The following ANTXR1 variants were observed in gnomAD, a reference collection of about 807,000 sequenced individuals.
ANTXR1 encodes anthrax toxin receptor 1.
ANTXR1 carries 19 observed loss-of-function variants against 78.1 expected under a neutral mutation model. That is an observed-to-expected ratio of 0.24 (90% CI 0.17 to 0.36). The LOEUF is 0.36. ANTXR1 is among the 10% of genes least tolerant of loss of function. The probability of loss-of-function intolerance (pLI) is 1.00; values close to 1 mark genes in which losing one functional copy is unlikely to be tolerated. For synonymous variants in ANTXR1, 273 were observed against 260.5 expected (o/e 1.05, Z -0.46); for missense variants, 518 against 718.6 (o/e 0.72, Z 3.19).
At position 69,248,609 on chromosome 2, in the gene ANTXR1, T is replaced by C. The variant is rs951217363; in HGVS notation, c.*3124T>C. The C allele has an allele frequency of 2.6e-5, 4 of 152,276 alleles. No homozygotes were observed. The highest frequency in any genetic ancestry group is 4.8e-5 in the African/African-American group (2 of 41,426). 9.4% of individuals were successfully genotyped at this position (152,276 alleles called of 1,614,324 possible). On this transcript the variant is annotated 3_prime_UTR_variant, in exon 18 of 18. Coordinates refer to ENST00000303714, the MANE Select transcript of ANTXR1 (RefSeq NM_032208.3). ...ATTAATAGTCTTCGATATCTGGCCA[T>C]GGGTAACCTCATTGTAACTATCATC... is the stretch of plus-strand genomic sequence containing the variant.
chr2:69,229,013 T>C (rs1341468752), intron 17 of ANTXR1, among the ~76,000 whole-genome samples: 1 of 152,150 alleles, frequency 6.6e-6, no homozygotes, highest in Non-Finnish European at 1.5e-5. Flanking sequence ...CATTTCTTGG[T>C]GCATGTGTGA....
chr2:69,187,715 G>T (rs1259924146), intron 16 of ANTXR1, among the ~76,000 whole-genome samples: 7 of 150,046 alleles, frequency 4.7e-5, no homozygotes, highest in African/African-American at 1.7e-4. Flanking sequence ...AGCCTCCCGA[G>T]TAGCTGGGAC....
chr2:69,039,559 C>A (rs1201951919), intron 1 of ANTXR1, among the ~76,000 whole-genome samples: 1 of 152,118 alleles, frequency 6.6e-6, no homozygotes, highest in Non-Finnish European at 1.5e-5. Context: ...CTGCTGTGTT[C>A]ATTTCATTAA....
chr2:69,113,908 T>C (rs761769776), intron 10 of ANTXR1, among the ~76,000 whole-genome samples: 1 of 152,234 alleles, frequency 6.6e-6, no homozygotes, highest in African/African-American at 2.4e-5. Flanking sequence ...CTTAAAAAGC[T>C]GATGCTTTAC....
chr2:69,124,510 C>G, intron 11 of ANTXR1, 55 bp from the exon 12 acceptor site: 2 of 1,505,708 alleles, frequency 1.3e-6, no homozygotes. Flanking sequence ...TGGCTCTCAG[C>G]CTGTTGCTCA....
chr2:69,192,419 GTCC>G (rs1230883479), intron 16 of ANTXR1, among the ~76,000 whole-genome samples: 1 of 152,106 alleles, frequency 6.6e-6, no homozygotes, highest in Admixed American at 6.5e-5. Flanking sequence ...ATTGGGTTGA[GTCC>G]GTCTCACACC....
intron 3 of ANTXR1, among the ~76,000 whole-genome samples, chr2:69,061,122 G>T (rs143487658): frequency 3.3e-5 from 5 of 152,276 alleles, no homozygotes; most frequent in African/African-American, 9.6e-5. Context: ...CCTGGATATT[G>T]CAAAAGGCAA....
At chr2:69,168,480 C>A (rs891868695) in intron 13 of ANTXR1, among the ~76,000 whole-genome samples, 1 of 152,158 alleles carries the variant, frequency 6.6e-6, no homozygotes, top group Non-Finnish European at 1.5e-5. Flanking sequence ...ACCGTGGAGA[C>A]AAAAGCCCTC....
intron 3 of ANTXR1, among the ~76,000 whole-genome samples, chr2:69,069,802 A>G (rs1363071707): frequency 6.6e-6 from 1 of 152,174 alleles, no homozygotes; most frequent in East Asian, 1.9e-4. Flanking sequence ...TCTCTTCCCA[A>G]TTTAAATAGA....
intron 13 of ANTXR1, among the ~76,000 whole-genome samples, chr2:69,153,848 G>A (rs944431449): frequency 2.0e-5 from 3 of 152,138 alleles, no homozygotes; most frequent in East Asian, 3.9e-4. Flanking sequence ...GCCAAGCAGT[G>A]CTCCACCAAA....
At chr2:69,099,310 A>G (rs1671534509) in intron 9 of ANTXR1, among the ~76,000 whole-genome samples, 1 of 152,256 alleles carries the variant, frequency 6.6e-6, no homozygotes, top group South Asian at 2.1e-4. Context: ...TGATGGCTCA[A>G]TAATATTCCA....
chr2:69,240,371 C>G (rs763903193), intron 17 of ANTXR1, among the ~76,000 whole-genome samples: 1 of 152,196 alleles, frequency 6.6e-6, no homozygotes. Flanking sequence ...AATTATATTC[C>G]TCATTGAACA....
intron 14 of ANTXR1, chr2:69,172,382 TAAC>T: frequency 3.7e-6 from 6 of 1,612,140 alleles, no homozygotes; most frequent in Non-Finnish European, 5.1e-6. Context: ...TAAAATAAAA[TAAC>T]AAGAAGAAGA....
At chr2:69,084,227 A>C (rs1670978457) in intron 8 of ANTXR1, among the ~76,000 whole-genome samples, 1 of 152,236 alleles carries the variant, frequency 6.6e-6, no homozygotes, top group Non-Finnish European at 1.5e-5. Flanking sequence ...CACATTTTGA[A>C]GTTCCCAGCT....
chr2:69,166,315 G>T (rs890636992), intron 13 of ANTXR1, among the ~76,000 whole-genome samples: 13 of 152,208 alleles, frequency 8.5e-5, no homozygotes, highest in African/African-American at 2.7e-4. Context: ...AAAGTCACTG[G>T]TAAGAGAGGA....
At chr2:69,114,289 A>G (rs187517843) in intron 10 of ANTXR1, among the ~76,000 whole-genome samples, 31 of 152,370 alleles carry the variant, frequency 2.0e-4, no homozygotes, top group African/African-American at 7.2e-4. Context: ...ATAACAACAC[A>G]TATGGGTAGA....
chr2:69,133,279 C>T (rs1043556295), intron 12 of ANTXR1, among the ~76,000 whole-genome samples: 14 of 152,182 alleles, frequency 9.2e-5, no homozygotes, highest in Admixed American at 8.5e-4. Context: ...AAAAGAAGAC[C>T]CTTCCAAACA....
chr2:69,093,775 A>G (rs1671312936), intron 9 of ANTXR1, among the ~76,000 whole-genome samples: 1 of 152,246 alleles, frequency 6.6e-6, no homozygotes, highest in Non-Finnish European at 1.5e-5. Context: ...GATTTTCTTA[A>G]AATCTCTGGC....
rs564418899 is a variant in ANTXR1 at position 69,207,119 on chromosome 2, T to G, written c.1434+13704T>G. Among the ~76,000 whole-genome samples, 15 of 152,302 alleles carry G rather than the reference T, an allele frequency of 9.8e-5. 1 individual carries two copies. The South Asian group carries it at 2.5e-3, about 25-fold the overall frequency. ...TCCACAGCCAGGCTTTGTGCCTGTC[T>G]TTTGCAAAACTTACCCAATTTCTGT... On this transcript the variant is annotated intron_variant, in intron 17 of 17. Coordinates refer to ENST00000303714, the MANE Select transcript of ANTXR1 (RefSeq NM_032208.3).
Sources: allele counts gnomAD v4.1 joint callset (sites outside exome capture counted in the v4.1 genomes callset), GRCh38; gene constraint gnomAD v4.1.1; transcripts MANE v1.5; gene names NCBI Gene and HGNC (gene_info 2026-07-23, HGNC 2026-07-21).